KPNA1: variants seen among roughly 807,000 people sequenced by gnomAD.
KPNA1 encodes importin subunit alpha-5.
A neutral mutation model predicts 70.5 loss-of-function variants in KPNA1; 10 were observed. That is an observed-to-expected ratio of 0.14 (90% CI 0.09 to 0.24). KPNA1 has a LOEUF of 0.24. Ranked by LOEUF, KPNA1 falls within the 10% of genes least tolerant of loss-of-function variation. KPNA1 has a pLI of 1.00. For missense variants in KPNA1, 397 were observed against 637.9 expected, an observed-to-expected ratio of 0.62 and a Z score of 4.07; for synonymous variants, 192 against 221.9, an observed-to-expected ratio of 0.87 and a Z score of 1.20.
At chr3:122,428,336 G>C (rs73188400) in intron 12 of KPNA1, among the ~76,000 whole-genome samples, 3,116 of 152,262 alleles carry the variant, frequency 0.02, 37 homozygotes, top group Middle Eastern at 0.044. Flanking sequence ...CTCAAGTTGA[G>C]TACAGAGAGG....
chr3:122,454,273 G>A (rs1055808570), intron 5 of KPNA1, among the ~76,000 whole-genome samples: 5 of 152,178 alleles, frequency 3.3e-5, no homozygotes, highest in African/African-American at 4.8e-5. Context: ...TGCTGATATG[G>A]TATGATCTCC....
At chr3:122,461,162 TACAA>T (rs1488564153) in intron 5 of KPNA1, 58 bp downstream of exon 5, 4 of 1,044,774 alleles carry the variant, frequency 3.8e-6, no homozygotes, top group Non-Finnish European at 5.8e-6. Context: ...CAAATTTGTG[TACAA>T]AATAAAAATT....
chr3:122,433,646 C>A lies in KPNA1; in HGVS notation c.1250+15G>T. On this transcript the variant is annotated intron_variant, in intron 12 of 13. Transcript: ENST00000344337. ...TTTTCTTTAACTTACAATATGCTGC[C>A]TGATTGGTACTTACTTGATCTGTTC... The A allele has an allele frequency of 6.3e-7, 1 of 1,575,344 alleles. No homozygotes were observed. Among genetic ancestry groups the A allele is most frequent in the South Asian group, 1.2e-5 (1 of 84,952 alleles).
intron 8 of KPNA1, 41 bp downstream of exon 8, chr3:122,451,493 T>C (rs1442793222): frequency 1.8e-6 from 2 of 1,111,880 alleles, no homozygotes; most frequent in Admixed American, 2.1e-5. Flanking sequence ...ACTCTTTTAA[T>C]TGTATTTTTT....
rs2075792874 is a variant in KPNA1, at chr3:122,424,239, A to G, written c.*2746T>C. The G allele has an allele frequency of 6.6e-6, 1 of 152,234 alleles. No individual in the cohort carries two copies. The highest frequency in any genetic ancestry group is 1.5e-5 in the Non-Finnish European group (1 of 68,024). 9.4% of individuals were successfully genotyped at this position (152,234 alleles called of 1,614,324 possible). ...TAAAACTACAAAAGAGTTTTCCTGT[A>G]TTGAAATTAACATGCTTTTGTAATG... On this transcript the variant is annotated 3_prime_UTR_variant, in exon 14 of 14. Transcript: ENST00000344337.
chr3:122,476,861 C>CAAAAAAAAAAAAAAAAA lies in KPNA1; in HGVS notation c.130-9449_130-9433dup, dbSNP rs144118691. Among the ~76,000 whole-genome samples the CAAAAAAAAAAAAAAAAA allele has an allele frequency of 1.2e-3, 79 of 65,464 alleles. 2 individuals are homozygous for CAAAAAAAAAAAAAAAAA. Among genetic ancestry groups the CAAAAAAAAAAAAAAAAA allele is most frequent in the Non-Finnish European group, 1.6e-3 (58 of 36,392 alleles). 42.9% of individuals were successfully genotyped at this position (65,464 alleles called of 152,430 possible). On this transcript the variant is annotated intron_variant, in intron 2 of 13. Transcript: ENST00000344337. ...TATGAAAAACAGTATGGAGGTTCCA[C>CAAAAAAAAAAAAAAAAA]AAAAAAAAAAAAAAAAAAAAAAACT... is the stretch of plus-strand genomic sequence containing the variant.
chr3:122,470,375 G>A (rs1321013595), intron 2 of KPNA1, among the ~76,000 whole-genome samples: 2 of 151,982 alleles, frequency 1.3e-5, no homozygotes, highest in African/African-American at 4.8e-5. Context: ...AGCCGGGCGT[G>A]GCAGCGGGCG....
chr3:122,473,005 C>T (rs1045671965), intron 2 of KPNA1, among the ~76,000 whole-genome samples: 25 of 152,014 alleles, frequency 1.6e-4, no homozygotes, highest in African/African-American at 5.8e-4. Flanking sequence ...CACCTGGACC[C>T]GGGAGGCAGA....
rs1008664223 is a variant in KPNA1 at position 122,445,689 on chromosome 3, A to G, written c.918-3573T>C. 4.6e-5 allele frequency among the ~76,000 whole-genome samples: 7 copies of G among 152,246 alleles called. 1 individual carries two copies. The highest frequency in any genetic ancestry group is 3.9e-4 in the Admixed American group (6 of 15,290). The stretch of plus-strand genomic sequence containing the variant: ...ATAACAATAATAACCTTAATTGTAA[A>G]TGGGTTAAATGCCCCAATTAAAAGA... On this transcript the variant is annotated intron_variant, in intron 9 of 13. Transcript: ENST00000344337.
At chr3:122,457,642 C>G in intron 5 of KPNA1, 1 of 1,161,462 alleles carries the variant, frequency 8.6e-7, no homozygotes, top group Non-Finnish European at 1.1e-6. Flanking sequence ...GATGTTTTCT[C>G]TCTTCCCTTT....
chr3:122,509,341 T>C (rs971580065), intron 1 of KPNA1, among the ~76,000 whole-genome samples: 3 of 152,014 alleles, frequency 2.0e-5, no homozygotes, highest in Non-Finnish European at 1.5e-5. Context: ...ACACTAATTC[T>C]CCCACTCTAT....
Position 122,467,363 on chromosome 3 carries a change from C to G in KPNA1, c.196G>C (p.Gly66Arg), listed in dbSNP as rs2076392703. Residue 66 changes from glycine to arginine, a missense_variant, in exon 3 of 14, where the codon GGC (glycine) becomes CGC (arginine). Transcript: ENST00000344337. ...TTACTAATCTGAGCCTCATGAAAGC[C>G]TCCATCTGACATAACTTCTTCTTCT... is the stretch of plus-strand genomic sequence containing the variant. ...ETEEEVMSDG[G>R]FHEAQISNME... The G allele has an allele frequency of 1.2e-6, 2 of 1,609,164 alleles. No homozygotes were observed. The highest frequency in any genetic ancestry group is 8.5e-7 in the Non-Finnish European group (1 of 1,176,484).
At chr3:122,453,718 G>A (rs1447422654) in intron 6 of KPNA1, 152 bp downstream of exon 6, 10 of 581,580 alleles carry the variant, frequency 1.7e-5, no homozygotes, top group Non-Finnish European at 2.8e-5. Flanking sequence ...TGTATTTTTA[G>A]TAGAGACGGG....
chr3:122,471,543 T>C (rs1476085629), intron 2 of KPNA1, among the ~76,000 whole-genome samples: 1 of 152,146 alleles, frequency 6.6e-6, no homozygotes, highest in Non-Finnish European at 1.5e-5. Context: ...TAACACCAAT[T>C]AAAAGAAAGC....
At chr3:122,448,730 C>T (rs2076167620) in intron 9 of KPNA1, among the ~76,000 whole-genome samples, 1 of 149,960 alleles carries the variant, frequency 6.7e-6, no homozygotes, top group African/African-American at 2.5e-5. Flanking sequence ...TACCCTAGGA[C>T]TTAAAGTATA....
At position 122,452,080 on chromosome 3, in the gene KPNA1, T is replaced by A. The variant is rs2076207931; in HGVS notation, c.565-16A>T. On this transcript the variant is annotated splice_polypyrimidine_tract_variant and intron_variant, in intron 6 of 13. Transcript: ENST00000344337. ...CCCAGACTGCCTGTGAAAGAATCAT[T>A]CATTAATAAAGGTTACATAGTTTAA... The A allele has an allele frequency of 6.5e-7, 1 of 1,540,558 alleles. No homozygotes were observed. Among genetic ancestry groups the A allele is most frequent in the Non-Finnish European group, 9.0e-7 (1 of 1,114,084 alleles).
chr3:122,437,561 T>G (rs2076005435), intron 10 of KPNA1, among the ~76,000 whole-genome samples: 1 of 152,360 alleles, frequency 6.6e-6, no homozygotes, highest in African/African-American at 2.4e-5. Context: ...AAAGCATTAC[T>G]CATTCACCTT....
chr3:122,422,722 C>T lies in KPNA1; in HGVS notation c.*4263G>A, dbSNP rs966964455. 3 of 152,192 alleles carry T rather than the reference C, an allele frequency of 2.0e-5. No individual in the cohort carries two copies. The highest frequency in any genetic ancestry group is 7.2e-5 in the African/African-American group (3 of 41,456). The allele number at this position is 152,192 out of a possible 1,614,324, so 9.4% of individuals were successfully genotyped here. On this transcript the variant is annotated 3_prime_UTR_variant, in exon 14 of 14. Coordinates refer to ENST00000344337, the MANE Select transcript of KPNA1 (RefSeq NM_002264.4). ...TTCTCGTAAGTCTTCACTTTGTCAT[C>T]TATAATATAGTGACAATTATCAAAG...
chr3:122,512,888 C>A (rs574682142), intron 1 of KPNA1, among the ~76,000 whole-genome samples: 1 of 152,200 alleles, frequency 6.6e-6, no homozygotes, highest in South Asian at 2.1e-4. Context: ...ACTGCCTTTA[C>A]TATTTAGTAG....
Sources: allele counts gnomAD v4.1 joint callset (sites outside exome capture counted in the v4.1 genomes callset), GRCh38; gene constraint gnomAD v4.1.1; transcripts MANE v1.5; gene names NCBI Gene and HGNC (gene_info 2026-07-23, HGNC 2026-07-21).